The following CEP63 variants were observed in gnomAD, a reference collection of about 807,000 sequenced individuals.
CEP63 encodes centrosomal protein of 63 kDa.
CEP63 carries 84 observed loss-of-function variants against 89.1 expected under a neutral mutation model. That is an observed-to-expected ratio of 0.94 (90% CI 0.79 to 1.13). The LOEUF (loss-of-function observed/expected upper bound fraction) is 1.13, where lower values mean the gene tolerates loss of function less well. Among genes scored for constraint, CEP63 ranks in the 50% most tolerant of loss-of-function variants. The pLI is 0.00. For synonymous variants in CEP63, 267 were observed against 272.5 expected (o/e 0.98, Z 0.20); for missense variants, 838 against 813.3 (o/e 1.03, Z -0.37).
chr3:134,707,559 A>G, the CEP63 span, among the ~76,000 whole-genome samples: 1 of 152,094 alleles, frequency 6.6e-6, no homozygotes, highest in Non-Finnish European at 1.5e-5. Context: ...TAGTTCCACT[A>G]CTACTGTCTC....
At chr3:134,607,948 C>G in the CEP63 span, 5 of 996,598 alleles carry the variant, frequency 5.0e-6, no homozygotes, top group Non-Finnish European at 6.0e-6. Context: ...GTGTCCCCGC[C>G]TCTCCTCTGC....
At chr3:134,774,842 T>C in the CEP63 span, among the ~76,000 whole-genome samples, 1 of 152,240 alleles carries the variant, frequency 6.6e-6, no homozygotes, top group African/African-American at 2.4e-5. Context: ...GTCTCAGTTA[T>C]CTGACTTCCA....
the CEP63 span, among the ~76,000 whole-genome samples, chr3:134,766,209 C>G: frequency 2.0e-5 from 3 of 152,234 alleles, no homozygotes; most frequent in East Asian, 3.8e-4. Flanking sequence ...GGATCTACCT[C>G]TCCCCGCAGC....
the CEP63 span, among the ~76,000 whole-genome samples, chr3:134,761,780 G>C: frequency 6.6e-6 from 1 of 152,146 alleles, no homozygotes; most frequent in African/African-American, 2.4e-5. Flanking sequence ...CAAGAGAGGA[G>C]AGCCCTTCAC....
At chr3:134,682,483 C>A in the CEP63 span, among the ~76,000 whole-genome samples, 1 of 152,146 alleles carries the variant, frequency 6.6e-6, no homozygotes, top group Non-Finnish European at 1.5e-5. Flanking sequence ...AGGGAATGGG[C>A]AGGAATGCAG....
the CEP63 span, chr3:134,627,823 A>G: frequency 6.2e-7 from 1 of 1,610,902 alleles, no homozygotes; most frequent in Non-Finnish European, 8.5e-7. Context: ...GTAAACCTAC[A>G]ATATTCCAAA....
the CEP63 span, among the ~76,000 whole-genome samples, chr3:134,678,951 C>T: frequency 6.6e-6 from 1 of 152,114 alleles, no homozygotes; most frequent in Non-Finnish European, 1.5e-5. Context: ...AGAATAGTTC[C>T]CCCAGAGCTC....
intron 12 of CEP63, among the ~76,000 whole-genome samples, chr3:134,555,339 C>G (rs1292387795): frequency 6.6e-6 from 1 of 152,122 alleles, no homozygotes; most frequent in Non-Finnish European, 1.5e-5. Context: ...AATTGTTCCT[C>G]TTTGCAGACG....
At chr3:134,555,627 T>C (rs1955986599) in intron 12 of CEP63, among the ~76,000 whole-genome samples, 1 of 151,976 alleles carries the variant, frequency 6.6e-6, no homozygotes, top group African/African-American at 2.4e-5. Flanking sequence ...TAAAACAGGA[T>C]ACAAACAAAT....
chr3:134,677,723 T>A, the CEP63 span, among the ~76,000 whole-genome samples: 1 of 152,080 alleles, frequency 6.6e-6, no homozygotes, highest in African/African-American at 2.4e-5. Flanking sequence ...CCATTCCTCA[T>A]GACTGAATCC....
chr3:134,593,231 G>T, the CEP63 span, among the ~76,000 whole-genome samples: 6 of 152,108 alleles, frequency 3.9e-5, no homozygotes, highest in African/African-American at 1.4e-4. Flanking sequence ...ATTCCTTAGG[G>T]AACAATACAT....
At chr3:134,522,004 C>T (rs942349991) in intron 3 of CEP63, among the ~76,000 whole-genome samples, 1 of 152,132 alleles carries the variant, frequency 6.6e-6, no homozygotes, top group African/African-American at 2.4e-5. Context: ...TTTTGGTTTG[C>T]AAATCAAACA....
the CEP63 span, among the ~76,000 whole-genome samples, chr3:134,710,546 C>A: frequency 6.6e-6 from 1 of 152,156 alleles, no homozygotes; most frequent in African/African-American, 2.4e-5. Context: ...AACAGTGTGG[C>A]CTGGCTTTGG....
chr3:134,607,023 AG>A, the CEP63 span: 1 of 984,640 alleles, frequency 1.0e-6, no homozygotes, highest in Admixed American at 6.1e-5. Context: ...AATCATATTT[AG>A]GTTTAGATTT....
chr3:134,684,469 G>A, the CEP63 span, among the ~76,000 whole-genome samples: 30 of 152,336 alleles, frequency 2.0e-4, 1 homozygote, highest in African/African-American at 6.5e-4. Context: ...GCTATCTCAA[G>A]AGAACCTTTC....
At chr3:134,672,408 T>G in the CEP63 span, among the ~76,000 whole-genome samples, 1 of 152,222 alleles carries the variant, frequency 6.6e-6, no homozygotes, top group African/African-American at 2.4e-5. Flanking sequence ...AGAAACATTT[T>G]GCTAGCTTAG....
the CEP63 span, among the ~76,000 whole-genome samples, chr3:134,624,501 C>T: frequency 6.6e-6 from 1 of 152,236 alleles, no homozygotes; most frequent in Non-Finnish European, 1.5e-5. Flanking sequence ...TGTGCTGAAG[C>T]TCCTGCCTGG....
At chr3:134,638,798 A>G in the CEP63 span, among the ~76,000 whole-genome samples, 1 of 152,232 alleles carries the variant, frequency 6.6e-6, no homozygotes, top group Non-Finnish European at 1.5e-5. Context: ...CTAAAGGCCT[A>G]ATTGGCTCAG....
downstream of CEP63, among the ~76,000 whole-genome samples, chr3:134,575,968 A>G (rs1446958857): frequency 3.3e-5 from 5 of 152,326 alleles, no homozygotes; most frequent in East Asian, 3.9e-4. Flanking sequence ...TATAAATGCA[A>G]TATTTCTTAA....
Sources: allele counts gnomAD v4.1 joint callset (sites outside exome capture counted in the v4.1 genomes callset), GRCh38; gene constraint gnomAD v4.1.1; transcripts MANE v1.5; gene names NCBI Gene and HGNC (gene_info 2026-07-23, HGNC 2026-07-21).